The following DAB1 variants were observed in gnomAD, a reference collection of about 807,000 sequenced individuals.
DAB1 encodes the protein disabled homolog 1.
A neutral mutation model predicts 64.6 loss-of-function variants in DAB1; 15 were observed. The observed-to-expected ratio is 0.23, with a 90% confidence interval of 0.16 to 0.36. DAB1 has a LOEUF of 0.36. Ranked by LOEUF, DAB1 falls within the 10% of genes least tolerant of loss-of-function variation. DAB1 has a pLI of 1.00. For synonymous variants in DAB1, 235 were observed against 251.9 expected (o/e 0.93, Z 0.64); for missense variants, 596 against 706.7 (o/e 0.84, Z 1.78).
rs151246318 is a variant in DAB1, at chr1:57,084,970, T to C, written c.307-12556A>G. ...TAGGCTGTTGCCTTGGAAAATGAAC[T>C]GTCAGTAAAAGAAATTAGCACCAAA... On this transcript the variant is annotated intron_variant, in intron 4 of 14. Transcript: ENST00000371236. 8.3e-3 allele frequency among the ~76,000 whole-genome samples: 1,267 copies of C among 152,270 alleles called. 12 individuals are homozygous for C. The highest frequency in any genetic ancestry group is 0.027 in the Middle Eastern group (8 of 294).
intron 1 of DAB1, among the ~76,000 whole-genome samples, chr1:57,322,613 A>G (rs1675812292): frequency 6.6e-6 from 1 of 152,160 alleles, no homozygotes; most frequent in Non-Finnish European, 1.5e-5. Context: ...CATTGCCAAA[A>G]TCATCATTAG....
At chr1:57,214,910 CA>C (rs56175448) in intron 2 of DAB1, among the ~76,000 whole-genome samples, 171 of 58,744 alleles carry the variant, frequency 2.9e-3, no homozygotes, top group South Asian at 9.6e-3. Flanking sequence ...GATTCCCTCT[CA>C]AAAAAAAAAA....
chr1:58,140,320 G>C, intron 5 of DAB1, among the ~76,000 whole-genome samples: 1 of 152,136 alleles, frequency 6.6e-6, no homozygotes, highest in East Asian at 1.9e-4. Context: ...GCTACATTTA[G>C]CAGAACTTGC....
intron 7 of DAB1, among the ~76,000 whole-genome samples, chr1:57,484,978 G>A (rs1246758205): frequency 6.6e-6 from 1 of 152,156 alleles, no homozygotes; most frequent in African/African-American, 2.4e-5. Context: ...CTGAGTGGAG[G>A]TATCAAGTCC....
rs80117896 is a variant in DAB1 at position 58,202,011 on chromosome 1, T to A, written n.310-51423A>T. On this transcript the variant is annotated intron_variant and non_coding_transcript_variant, in intron 4 of 20. Transcript: ENST00000485760. Reference sequence around the variant, plus strand: ...GCTCCTCAGCCCCTCCATGCCCCAATTTACACAACGGTGAAATGGGGATGA... The same window carrying A: ...GCTCCTCAGCCCCTCCATGCCCCAAATTACACAACGGTGAAATGGGGATGA... Among the ~76,000 whole-genome samples, 554 of 152,222 alleles carry A rather than the reference T, an allele frequency of 3.6e-3. 4 individuals are homozygous for A. Among genetic ancestry groups the A allele is most frequent in the African/African-American group, 0.013 (520 of 41,534 alleles).
chr1:57,934,954 C>T (rs1178303623), intron 5 of DAB1, among the ~76,000 whole-genome samples: 1 of 152,196 alleles, frequency 6.6e-6, no homozygotes, highest in African/African-American at 2.4e-5. Context: ...GAGTCTGTCT[C>T]CCCTAAGGCA....
chr1:58,135,672 T>C (rs541407008), intron 5 of DAB1, among the ~76,000 whole-genome samples: 5 of 152,258 alleles, frequency 3.3e-5, no homozygotes, highest in Admixed American at 3.3e-4. Context: ...TTTTGCTTTA[T>C]AGAGCATCAA....
intron 5 of DAB1, among the ~76,000 whole-genome samples, chr1:57,975,541 A>G (rs1645898381): frequency 6.6e-6 from 1 of 152,208 alleles, no homozygotes; most frequent in African/African-American, 2.4e-5. Context: ...AAGGGAAAAG[A>G]ATGTGCAAGA....
chr1:58,422,574 T>G (rs1434820918), intron 3 of DAB1, among the ~76,000 whole-genome samples: 1 of 150,934 alleles, frequency 6.6e-6, no homozygotes, highest in African/African-American at 2.4e-5. Context: ...AGCTATGTGA[T>G]GAGGAAGCTG....
In DAB1 at chr1:58,529,982, G is replaced by A. The variant is rs1306105896; in HGVS notation, n.33-2647C>T. 5.9e-5 allele frequency among the ~76,000 whole-genome samples: 9 copies of A among 151,912 alleles called. No homozygotes were observed. The East Asian group carries it at 1.4e-3, about 23-fold the overall frequency. The stretch of plus-strand genomic sequence containing the variant: ...AGCAAGCTCTGCCTCCTGGGTTCAC[G>A]CCATTCTCCTGCCTCAGCCTCCCAA... On this transcript the variant is annotated intron_variant and non_coding_transcript_variant, in intron 1 of 20. Transcript: ENST00000485760.
chr1:58,107,401 G>C (rs1651718530), intron 5 of DAB1, among the ~76,000 whole-genome samples: 1 of 150,972 alleles, frequency 6.6e-6, no homozygotes, highest in Admixed American at 6.6e-5. Flanking sequence ...AATCCAGGAG[G>C]CGGAGTTTGC....
chr1:57,181,708 T>G (rs1662954819), intron 2 of DAB1, among the ~76,000 whole-genome samples: 1 of 152,200 alleles, frequency 6.6e-6, no homozygotes, highest in Non-Finnish European at 1.5e-5. Flanking sequence ...CAAATGTGTA[T>G]GCAAGCAGGA....
At chr1:58,183,488 G>A (rs897853402) in intron 4 of DAB1, among the ~76,000 whole-genome samples, 1 of 152,032 alleles carries the variant, frequency 6.6e-6, no homozygotes, top group African/African-American at 2.4e-5. Flanking sequence ...TTAAACTTTT[G>A]GCTAGTCTGT....
At chr1:57,177,764 G>T (rs1426898755) in intron 2 of DAB1, among the ~76,000 whole-genome samples, 1 of 152,040 alleles carries the variant, frequency 6.6e-6, no homozygotes, top group Non-Finnish European at 1.5e-5. Context: ...TCAAAGTACA[G>T]GCCATTTCTA....
chr1:57,766,378 C>T (rs904590183), intron 6 of DAB1, among the ~76,000 whole-genome samples: 9 of 151,988 alleles, frequency 5.9e-5, no homozygotes, highest in South Asian at 2.1e-4. Context: ...TCTCAGAGTA[C>T]GCACCAAAGT....
intron 7 of DAB1, among the ~76,000 whole-genome samples, chr1:57,437,035 C>CA (rs66682648): frequency 0.64 from 69,494 of 108,782 alleles, 22,978 homozygotes; most frequent in Non-Finnish European, 0.71. Flanking sequence ...GACTCCGTCT[C>CA]AAAAAAAAAA....
chr1:57,623,337 T>C (rs915248541), intron 7 of DAB1, among the ~76,000 whole-genome samples: 1 of 152,192 alleles, frequency 6.6e-6, no homozygotes, highest in Admixed American at 6.5e-5. Context: ...GTCGAATTTG[T>C]TGAACTCCTT....
chr1:57,890,746 T>C (rs1644299523), intron 5 of DAB1, among the ~76,000 whole-genome samples: 1 of 152,158 alleles, frequency 6.6e-6, no homozygotes, highest in South Asian at 2.1e-4. Context: ...CTTTCTATTT[T>C]CTGTTTTTTC....
intron 4 of DAB1, among the ~76,000 whole-genome samples, chr1:57,132,433 A>G (rs545573094): frequency 3.3e-5 from 5 of 152,114 alleles, no homozygotes; most frequent in Non-Finnish European, 5.9e-5. Context: ...CAGGAAACAC[A>G]GGGCTGCACA....
Sources: allele counts gnomAD v4.1 joint callset (sites outside exome capture counted in the v4.1 genomes callset), GRCh38; gene constraint gnomAD v4.1.1; transcripts MANE v1.5; gene names NCBI Gene and HGNC (gene_info 2026-07-23, HGNC 2026-07-21).